Variants in SCAPER observed in about 807,000 individuals in gnomAD.
SCAPER encodes S-phase cyclin A associated protein in the ER.
A neutral mutation model predicts 182.2 loss-of-function variants in SCAPER; 98 were observed. The ratio of observed to expected loss-of-function variants is 0.54; its 90% CI spans 0.46 to 0.64. SCAPER has a LOEUF of 0.64. Ranked by LOEUF, SCAPER falls within the 30% of genes least tolerant of loss-of-function variation. The pLI is 0.00. For missense variants in SCAPER, 1,432 were observed against 1,690.0 expected (o/e 0.85, Z 2.68); for synonymous variants, 605 against 564.6 (o/e 1.07, Z -1.01).
chr15:76,579,318 CAT>C (rs1007463282), intron 22 of SCAPER, among the ~76,000 whole-genome samples: 2 of 130,254 alleles, frequency 1.5e-5, no homozygotes, highest in African/African-American at 5.6e-5. Flanking sequence ...TGTTTTAAGA[CAT>C]AGTACAAGAA....
At chr15:76,712,035 T>G (rs184133602) in intron 17 of SCAPER, among the ~76,000 whole-genome samples, 1 of 152,340 alleles carries the variant, frequency 6.6e-6, no homozygotes, top group East Asian at 1.9e-4. Flanking sequence ...TGAATGGTAA[T>G]GCCTAGGTTT....
At chr15:76,774,409 T>C in intron 9 of SCAPER, 1 of 389,252 alleles carries the variant, frequency 2.6e-6, no homozygotes, top group South Asian at 1.9e-5. Flanking sequence ...TGGAGGAAAT[T>C]CTATTTAAAA....
chr15:76,819,528 G>A (rs1444200112), intron 5 of SCAPER, among the ~76,000 whole-genome samples: 1 of 152,188 alleles, frequency 6.6e-6, no homozygotes, highest in Non-Finnish European at 1.5e-5. Context: ...TGAGGGTCCT[G>A]AATGTTAGAA....
At chr15:76,497,124 T>TTTTTTTTTTTC (rs1555456895) in intron 24 of SCAPER, among the ~76,000 whole-genome samples, 1,743 of 139,334 alleles carry the variant, frequency 0.013, 76 homozygotes, top group African/African-American at 0.045. Flanking sequence ...TTTTTTTTTT[T>TTTTTTTTTTTC]CCCAAAACGG....
At chr15:76,518,835 A>G (rs1303553694) in intron 23 of SCAPER, among the ~76,000 whole-genome samples, 2 of 152,232 alleles carry the variant, frequency 1.3e-5, no homozygotes, top group Admixed American at 6.5e-5. Context: ...GTCACAAATA[A>G]TACCTTCTTA....
At chr15:76,784,849 C>T (rs1035591945) in intron 8 of SCAPER, among the ~76,000 whole-genome samples, 1 of 152,212 alleles carries the variant, frequency 6.6e-6, no homozygotes, top group East Asian at 1.9e-4. Context: ...GAAACTGGAT[C>T]TCTTCCTTAC....
Position 76,765,581 on chromosome 15 carries a change from C to G in SCAPER, c.1477G>C (p.Val493Leu). The change falls in exon 12 of 32, where the codon GTC becomes CTC. Residue 493 changes from valine (V) to leucine (L), a missense_variant. Val to Leu is a conservative substitution (Grantham distance 32). This residue lies in a region of SCAPER where 128 missense variants were observed against 149.9 expected (regional missense o/e 0.85). Coordinates refer to ENST00000563290, the MANE Select transcript of SCAPER (RefSeq NM_020843.4). ...FCGMSMDWND[V>L]LADYEARESW... Reference sequence around the variant, plus strand: ...ACAATACCTTCATAATCTGCAAGGACATCGTTCCAGTCCATGGACATACCA... The same window carrying G: ...ACAATACCTTCATAATCTGCAAGGAGATCGTTCCAGTCCATGGACATACCA... The G allele has an allele frequency of 6.3e-7, 1 of 1,593,718 alleles. No homozygotes were observed. The highest frequency in any genetic ancestry group is 8.6e-7 in the Non-Finnish European group (1 of 1,169,050).
At chr15:76,476,143 C>A (rs2050608622) in intron 24 of SCAPER, among the ~76,000 whole-genome samples, 1 of 152,194 alleles carries the variant, frequency 6.6e-6, no homozygotes, top group Admixed American at 6.5e-5. Context: ...GGCTTTCCTG[C>A]AGCAGCATTC....
intron 15 of SCAPER, among the ~76,000 whole-genome samples, chr15:76,750,193 A>G (rs2062010524): frequency 6.6e-6 from 1 of 151,844 alleles, no homozygotes; most frequent in Non-Finnish European, 1.5e-5. Flanking sequence ...AAAAATCTCA[A>G]CCCTAACTCA....
intron 4 of SCAPER, among the ~76,000 whole-genome samples, chr15:76,853,098 GACACATAC>G (rs2070933048): frequency 1.3e-5 from 2 of 152,040 alleles, no homozygotes; most frequent in African/African-American, 4.8e-5. Flanking sequence ...TAAATTCCTG[GACACATAC>G]TCCCTCCCAA....
intron 25 of SCAPER, among the ~76,000 whole-genome samples, chr15:76,459,102 G>T (rs1050210319): frequency 4.6e-5 from 7 of 151,926 alleles, no homozygotes; most frequent in African/African-American, 1.7e-4. Context: ...TGTTGCCAAG[G>T]CTGGTCTCAA....
At chr15:76,690,173 T>A (rs555440043) in intron 20 of SCAPER, among the ~76,000 whole-genome samples, 2 of 152,228 alleles carry the variant, frequency 1.3e-5, no homozygotes, top group East Asian at 3.9e-4. Flanking sequence ...ATTGTATGTA[T>A]CTCTGATATG....
At chr15:76,621,718 C>T (rs766474854) in intron 22 of SCAPER, 46 bp downstream of exon 22, 32 of 1,429,188 alleles carry the variant, frequency 2.2e-5, no homozygotes, top group Non-Finnish European at 2.8e-5. Context: ...ACTTTTGTTA[C>T]AGGCATAGAC....
intron 15 of SCAPER, among the ~76,000 whole-genome samples, chr15:76,745,657 T>G (rs1238717169): frequency 1.3e-5 from 2 of 152,168 alleles, no homozygotes; most frequent in East Asian, 3.9e-4. Flanking sequence ...TGACCATCCA[T>G]CTCTATGGAA....
At chr15:76,393,901 T>C (rs955537652) in intron 27 of SCAPER, among the ~76,000 whole-genome samples, 1 of 152,296 alleles carries the variant, frequency 6.6e-6, no homozygotes, top group East Asian at 1.9e-4. Flanking sequence ...ACCACAGATG[T>C]GTGAATAAGC....
chr15:76,774,596 C>G (rs2063639008), intron 9 of SCAPER, among the ~76,000 whole-genome samples: 1 of 152,112 alleles, frequency 6.6e-6, no homozygotes, highest in Non-Finnish European at 1.5e-5. Flanking sequence ...GCACATTACT[C>G]TCAAATGTTA....
At chr15:76,542,579 A>T (rs1331548778) in intron 23 of SCAPER, among the ~76,000 whole-genome samples, 5 of 147,608 alleles carry the variant, frequency 3.4e-5, no homozygotes, top group Non-Finnish European at 1.5e-5. Flanking sequence ...AAAATAAAAT[A>T]AAAAAAAGAA....
chr15:76,704,967 C>T (rs1268405881), intron 18 of SCAPER, among the ~76,000 whole-genome samples: 1 of 152,096 alleles, frequency 6.6e-6, no homozygotes, highest in Non-Finnish European at 1.5e-5. Flanking sequence ...ACTAGTTTGA[C>T]CATTGTGGAA....
At chr15:76,641,576 C>G (rs2054109200) in intron 21 of SCAPER, among the ~76,000 whole-genome samples, 1 of 152,088 alleles carries the variant, frequency 6.6e-6, no homozygotes, top group South Asian at 2.1e-4. Context: ...GGCTGCTGGC[C>G]AGATCCCGCA....
Sources: allele counts gnomAD v4.1 joint callset (sites outside exome capture counted in the v4.1 genomes callset), GRCh38; gene constraint gnomAD v4.1.1; regional missense constraint gnomAD v4.1.1; transcripts MANE v1.5; gene names NCBI Gene and HGNC (gene_info 2026-07-23, HGNC 2026-07-21).